The following URI1 variants were observed in gnomAD, a reference collection of about 807,000 sequenced individuals.
The protein encoded by URI1 is unconventional prefoldin RPB5 interactor 1.
Under a neutral mutation model 60.2 loss-of-function variants are expected in URI1, and 39 were observed. The ratio of observed to expected loss-of-function variants is 0.65; its 90% CI spans 0.50 to 0.85. URI1 has a LOEUF of 0.85. Ranked by LOEUF, URI1 falls within the 40% of genes least tolerant of loss-of-function variation. The pLI, the probability that URI1 is intolerant of heterozygous loss-of-function variation, is 0.00. For synonymous variants in URI1, 251 were observed against 236.8 expected (o/e 1.06, Z -0.55); for missense variants, 691 against 665.9 (o/e 1.04, Z -0.42).
At chr19:29,944,193 A>ATATATATATATATATATATAT (rs2055074692) in intron 1 of URI1, among the ~76,000 whole-genome samples, 1 of 116,822 alleles carries the variant, frequency 8.6e-6, no homozygotes, top group Non-Finnish European at 1.8e-5. Context: ...ATATATATAT[A>ATATATATATATATATATATAT]AAACTTAACT....
chr19:30,015,382 A>T lies in URI1; in HGVS notation c.*313A>T. On this transcript the variant is annotated 3_prime_UTR_variant, in exon 11 of 11. Transcript: ENST00000392271. ...TTCATATGCATTGTTTTTGTGTTTC[A>T]AACTAAATACAGGCAGTTTTGTGCC... 7.0e-7 allele frequency: 1 copy of T among 1,432,732 alleles called. No homozygotes were observed. The highest frequency in any genetic ancestry group is 9.1e-7 in the Non-Finnish European group (1 of 1,101,384). 88.8% of individuals were successfully genotyped at this position (1,432,732 alleles called of 1,614,324 possible).
chr19:30,007,532 G>A lies in URI1; in HGVS notation c.580G>A (p.Asp194Asn). Residue 194 changes from aspartate (D) to asparagine (N), a missense_variant, in exon 7 of 11, where the codon GAT (aspartate) becomes AAT (asparagine). By Grantham distance (23) the Asp-to-Asn change is conservative. Transcript: ENST00000392271. Reference sequence around the variant, plus strand: ...AAAAACTTCAGATATTTTTGAAGCAGATATTGCAAATGATGTGAAATCCAA... The same window carrying A: ...AAAAACTTCAGATATTTTTGAAGCAAATATTGCAAATGATGTGAAATCCAA... ...KPKTSDIFEA[D>N]IANDVKSKDL... is the part of the protein sequence containing the mutation. 1 of 1,613,454 alleles carries A rather than the reference G, an allele frequency of 6.2e-7. No individual in the cohort carries two copies. The highest frequency in any genetic ancestry group is 1.3e-5 in the African/African-American group (1 of 74,952).
intron 1 of URI1, 94 bp from the exon 2 acceptor site, chr19:29,971,099 G>C: frequency 4.1e-6 from 5 of 1,212,498 alleles, no homozygotes; most frequent in Non-Finnish European, 6.0e-6. Flanking sequence ...TATTAAATCT[G>C]TAAAGCCAAT....
intron 5 of URI1, 88 bp from the exon 6 acceptor site, chr19:30,005,563 A>G: frequency 6.6e-7 from 1 of 1,519,968 alleles, no homozygotes; most frequent in South Asian, 1.2e-5. Flanking sequence ...GCTTTCAGAC[A>G]TCTTAGGTTG....
chr19:29,952,462 T>C (rs1002066842), intron 1 of URI1, among the ~76,000 whole-genome samples: 7 of 152,220 alleles, frequency 4.6e-5, no homozygotes, highest in African/African-American at 1.7e-4. Flanking sequence ...GTCAACTCTT[T>C]TTTAACATTC....
At chr19:29,965,747 A>T (rs187560892) in intron 1 of URI1, among the ~76,000 whole-genome samples, 17 of 152,362 alleles carry the variant, frequency 1.1e-4, no homozygotes, top group Non-Finnish European at 2.2e-4. Context: ...CAATAGGAGA[A>T]AACTGTAATA....
At chr19:29,977,178 G>A (rs949365900) in intron 2 of URI1, among the ~76,000 whole-genome samples, 2 of 151,244 alleles carry the variant, frequency 1.3e-5, no homozygotes, top group South Asian at 2.1e-4. Flanking sequence ...CCTATCAGTC[G>A]GGATGGAGAT....
At position 30,015,644 on chromosome 19, in the gene URI1, T is replaced by C; in HGVS notation, c.*575T>C. On this transcript the variant is annotated 3_prime_UTR_variant, in exon 11 of 11. Transcript: ENST00000392271. ...TAATTGTACTCTATGGGAAAATTTC[T>C]TTGGAAAGATATTTTGTAAAACTTT... 6.9e-7 allele frequency: 1 copy of C among 1,441,584 alleles called. No individual in the cohort carries two copies. The highest frequency in any genetic ancestry group is 9.2e-7 in the Non-Finnish European group (1 of 1,085,082). 89.3% of individuals were successfully genotyped at this position (1,441,584 alleles called of 1,614,324 possible).
At chr19:29,992,555 T>G (rs1250950233) in intron 4 of URI1, among the ~76,000 whole-genome samples, 1 of 152,246 alleles carries the variant, frequency 6.6e-6, no homozygotes, top group East Asian at 1.9e-4. Context: ...TATTTAATAT[T>G]TTTAGTATCT....
At chr19:29,957,029 T>C in intron 1 of URI1, 1 of 616,476 alleles carries the variant, frequency 1.6e-6, no homozygotes. Flanking sequence ...CCCAGAGTAG[T>C]CTTTTTAAGA....
Position 29,955,981 on chromosome 19 carries a change from C to CT in URI1, c.117+13330dup, listed in dbSNP as rs1004370774. ...TCTTCTGTCTATTTCCCAGAGTAGTCTTTTTTTTTTTTTATTTTTTGAGAT... is the reference window on the plus strand; with the variant it reads ...TCTTCTGTCTATTTCCCAGAGTAGTCTTTTTTTTTTTTTTATTTTTTGAGAT... On this transcript the variant is annotated intron_variant, in intron 1 of 10. Transcript: ENST00000392271. Among the ~76,000 whole-genome samples the CT allele has an allele frequency of 8.0e-3, 1,166 of 144,932 alleles. 8 individuals are homozygous for CT. The highest frequency in any genetic ancestry group is 0.02 in the East Asian group (101 of 4,938).
intron 1 of URI1, chr19:29,956,908 T>G: frequency 8.5e-7 from 1 of 1,175,200 alleles, no homozygotes; most frequent in Non-Finnish European, 1.3e-6. Flanking sequence ...TGGGGCCCTT[T>G]ATGATAACTG....
Position 29,986,398 on chromosome 19 carries a change from A to C in URI1, c.348A>C (p.Leu116Phe). Residue 116 changes from leucine (L) to phenylalanine (F), a missense_variant, in exon 4 of 11, where the codon TTA (leucine) becomes TTC (phenylalanine). By Grantham distance (22) the Leu-to-Phe change is conservative. Coordinates refer to ENST00000392271, the MANE Select transcript of URI1 (RefSeq NM_003796.3). ...GCTCAGCAAAGCAGGCTGTAGGTTT[A>C]GTTGAGCACCGGAAAGAACGTAGGT... Reference protein sequence around the residue: ...AKCSAKQAVGLVEHRKEHVRK... With the variant: ...AKCSAKQAVGFVEHRKEHVRK... 6.2e-7 allele frequency: 1 copy of C among 1,608,458 alleles called. No homozygotes were observed. Among genetic ancestry groups the C allele is most frequent in the Non-Finnish European group, 8.5e-7 (1 of 1,178,948 alleles).
rs542039809 is a variant in URI1 at position 29,996,097 on chromosome 19, T to G, written c.368-9264T>G. Reference sequence around the variant, plus strand: ...ATTGTTTTGGTTATTGGGGAACCCTTGAGACTCCATGTGAATTTTAGAATG... The same window carrying G: ...ATTGTTTTGGTTATTGGGGAACCCTGGAGACTCCATGTGAATTTTAGAATG... On this transcript the variant is annotated intron_variant, in intron 4 of 10. Coordinates refer to ENST00000392271, the MANE Select transcript of URI1 (RefSeq NM_003796.3). 8.5e-5 allele frequency among the ~76,000 whole-genome samples: 13 copies of G among 152,232 alleles called. No individual in the cohort carries two copies. The South Asian group carries it at 2.7e-3, about 32-fold the overall frequency.
At chr19:29,984,253 A>G (rs749687287) in intron 2 of URI1, among the ~76,000 whole-genome samples, 2 of 151,950 alleles carry the variant, frequency 1.3e-5, no homozygotes. Flanking sequence ...TGGCGAAGAA[A>G]CCTAATCTCT....
intron 4 of URI1, among the ~76,000 whole-genome samples, chr19:29,995,116 CT>C (rs2055795488): frequency 6.6e-6 from 1 of 152,076 alleles, no homozygotes; most frequent in African/African-American, 2.4e-5. Context: ...TCCATTCTGT[CT>C]TTCACAGCAG....
Position 30,012,450 on chromosome 19 carries a change from C to G in URI1, c.1344C>G (p.Cys448Trp), listed in dbSNP as rs776680830. Reference protein sequence around the residue: ...LRSISCEEATCSDTSESILEE... With the variant: ...LRSISCEEATWSDTSESILEE... ...GTATCAGCTGCGAAGAAGCCACTTG[C>G]AGTGACACCAGTGAGAGCATTTTGG... The change falls in exon 10 of 11, where the codon TGC becomes TGG. Residue 448 changes from cysteine to tryptophan, a missense_variant. Transcript: ENST00000392271. The G allele has an allele frequency of 6.2e-6, 10 of 1,614,142 alleles. No homozygotes were observed. The highest frequency in any genetic ancestry group is 2.2e-5 in the South Asian group (2 of 91,076).
rs540138830 is a variant in URI1 at position 30,009,306 on chromosome 19, A to G, written c.988A>G (p.Asn330Asp). ...CCATGAGGCTTTAGGGGTTGGAGAT[A>G]ATTCTATACCAACAATATATTTTTC... ...NDHEALGVGD[N>D]SIPTIYFSHT... Residue 330 changes from asparagine (N) to aspartate (D), a missense_variant, in exon 8 of 11, where the codon AAT (asparagine) becomes GAT (aspartate). Physicochemically the swap from Asn to Asp is conservative, Grantham distance 23. Transcript: ENST00000392271. 5.6e-6 allele frequency: 9 copies of G among 1,614,048 alleles called. No individual in the cohort carries two copies. The South Asian group carries it at 7.7e-5, about 14-fold the overall frequency.
At chr19:29,984,357 A>G (rs745585256) in intron 2 of URI1, among the ~76,000 whole-genome samples, 44 of 152,178 alleles carry the variant, frequency 2.9e-4, no homozygotes, top group Non-Finnish European at 5.9e-4. Context: ...TGAACCCAGG[A>G]GGTGGAGGTT....
Sources: gnomAD v4.1 joint callset for allele counts (sites outside exome capture counted in the v4.1 genomes callset) on GRCh38, gnomAD v4.1.1 for gene constraint, MANE v1.5 for transcripts, NCBI Gene and HGNC (gene_info 2026-07-23, HGNC 2026-07-21) for gene names.